TACR3: variants seen among roughly 807,000 people sequenced by gnomAD.
TACR3 encodes tachykinin receptor 3, also known as neuromedin-K receptor.
Under a neutral mutation model 35.0 loss-of-function variants are expected in TACR3, and 34 were observed. The ratio of observed to expected loss-of-function variants is 0.97; its 90% confidence interval spans 0.74 to 1.30. The LOEUF is 1.30. Ranked by LOEUF, TACR3 falls within the 50% of genes most tolerant of loss-of-function variation. TACR3 has a pLI of 0.00. For synonymous variants in TACR3, 233 were observed against 221.1 expected, an observed-to-expected ratio of 1.05 and a Z score of -0.48; for missense variants, 558 against 591.7, an observed-to-expected ratio of 0.94 and a Z score of 0.59.
chr4:103,625,329 A>C (rs1257774187), intron 3 of TACR3, among the ~76,000 whole-genome samples: 1 of 152,190 alleles, frequency 6.6e-6, no homozygotes, highest in East Asian at 1.9e-4. Flanking sequence ...TGTGCTAGGC[A>C]CATTAAAAAC....
At chr4:103,590,750 T>TA (rs1723875135) in intron 4 of TACR3, among the ~76,000 whole-genome samples, 1 of 152,212 alleles carries the variant, frequency 6.6e-6, no homozygotes, top group Admixed American at 6.5e-5. Context: ...TTACAGGACT[T>TA]ACGAGCCCTA....
intron 3 of TACR3, among the ~76,000 whole-genome samples, chr4:103,601,208 G>T (rs951358208): frequency 1.3e-5 from 2 of 151,654 alleles, no homozygotes; most frequent in African/African-American, 2.4e-5. Context: ...TTACCATTAT[G>T]TAATGGCCTT....
At chr4:103,707,965 C>A (rs1016123970) in intron 1 of TACR3, among the ~76,000 whole-genome samples, 7 of 152,204 alleles carry the variant, frequency 4.6e-5, no homozygotes, top group Admixed American at 3.9e-4. Context: ...GGGGCACCCG[C>A]CATTGCTAAG....
chr4:103,661,580 C>T, intron 1 of TACR3, among the ~76,000 whole-genome samples: 1 of 152,140 alleles, frequency 6.6e-6, no homozygotes, highest in East Asian at 1.9e-4. Context: ...TGTACAACTC[C>T]TGTAGCACAG....
intron 3 of TACR3, among the ~76,000 whole-genome samples, chr4:103,632,506 G>A: frequency 6.6e-6 from 1 of 151,960 alleles, no homozygotes; most frequent in East Asian, 1.9e-4. Context: ...CATGGACACA[G>A]GAAGGAGAAC....
intron 1 of TACR3, among the ~76,000 whole-genome samples, chr4:103,660,732 C>CA (rs1371285075): frequency 6.6e-6 from 1 of 151,478 alleles, no homozygotes; most frequent in Non-Finnish European, 1.5e-5. Context: ...AAAGTAGTGA[C>CA]AAAAAAATAC....
intron 1 of TACR3, among the ~76,000 whole-genome samples, chr4:103,695,711 CTGTGTGTGTGTGTGTGTGTGTG>C (rs10603685): frequency 3.6e-4 from 53 of 146,196 alleles, no homozygotes; most frequent in Admixed American, 1.9e-3. Context: ...GTCTCTCTCT[CTGTGTGTGTGTGTGTGTGTGTG>C]TGTGTGTGTG....
At chr4:103,633,520 C>G (rs943178972) in intron 3 of TACR3, among the ~76,000 whole-genome samples, 1 of 152,010 alleles carries the variant, frequency 6.6e-6, no homozygotes, top group Non-Finnish European at 1.5e-5. Context: ...ATCACCCAAG[C>G]AGTATACACT....
At chr4:103,599,633 A>G (rs972042407) in intron 3 of TACR3, among the ~76,000 whole-genome samples, 1 of 152,204 alleles carries the variant, frequency 6.6e-6, no homozygotes, top group Non-Finnish European at 1.5e-5. Flanking sequence ...CGTCCCATCA[A>G]TACCTAATTT....
rs548013292 is a variant in TACR3 at position 103,621,865 on chromosome 4, AT to A, written c.889-30183del. Among the ~76,000 whole-genome samples, 203 of 152,390 alleles carry A rather than the reference AT, an allele frequency of 1.3e-3. 1 individual carries two copies. The highest frequency in any genetic ancestry group is 4.8e-3 in the African/African-American group (198 of 41,598). The stretch of plus-strand genomic sequence containing the variant: ...AACCTAGAGAAATCTAGATATGGGC[AT>A]AATACAAATGTAGATTTGAAAGTAA... On this transcript the variant is annotated intron_variant, in intron 3 of 4. Transcript: ENST00000304883.
rs1369424731 is a variant in TACR3 at position 103,588,004 on chromosome 4, C to T, written c.*1678G>A. ...TGTGTGTGTGTGTGTGTGTGTGTCT[C>T]TTTGTTTATTGGTATCATCAGAAGA... is the stretch of plus-strand genomic sequence containing the variant. On this transcript the variant is annotated 3_prime_UTR_variant, in exon 5 of 5. Coordinates refer to ENST00000304883, the MANE Select transcript of TACR3 (RefSeq NM_001059.3). 7.3e-5 allele frequency: 11 copies of T among 150,064 alleles called. No individual in the cohort carries two copies. Among genetic ancestry groups the T allele is most frequent in the Admixed American group, 6.6e-4 (10 of 15,096 alleles). The allele number at this position is 150,064 out of a possible 1,614,324, so 9.3% of individuals were successfully genotyped here.
chr4:103,653,979 A>T (rs1319652709), intron 3 of TACR3, among the ~76,000 whole-genome samples: 1 of 150,276 alleles, frequency 6.7e-6, no homozygotes, highest in Non-Finnish European at 1.5e-5. Context: ...GAGAAATGCA[A>T]ATCAAAACCA....
chr4:103,598,135 G>T (rs1054463313), intron 3 of TACR3, among the ~76,000 whole-genome samples: 1 of 152,074 alleles, frequency 6.6e-6, no homozygotes, highest in African/African-American at 2.4e-5. Flanking sequence ...ACTTTTTAAT[G>T]ATCACCATTC....
intron 3 of TACR3, among the ~76,000 whole-genome samples, chr4:103,655,402 C>CT (rs1419058750): frequency 3.9e-5 from 6 of 152,172 alleles, no homozygotes; most frequent in Non-Finnish European, 7.4e-5. Context: ...ATTCATTCAT[C>CT]TTTGATAAAA....
chr4:103,690,977 A>C (rs1264065705), intron 1 of TACR3, among the ~76,000 whole-genome samples: 2 of 152,312 alleles, frequency 1.3e-5, no homozygotes, highest in East Asian at 3.9e-4. Context: ...AAAATTTGAC[A>C]GTATCAATTG....
chr4:103,697,978 T>A (rs1331241185), intron 1 of TACR3, among the ~76,000 whole-genome samples: 1 of 152,182 alleles, frequency 6.6e-6, no homozygotes, highest in South Asian at 2.1e-4. Context: ...ACTTCTTATG[T>A]AGGAAAGATA....
chr4:103,660,528 TAAC>T (rs1725818844), intron 1 of TACR3, among the ~76,000 whole-genome samples: 1 of 139,516 alleles, frequency 7.2e-6, no homozygotes, highest in South Asian at 2.4e-4. Flanking sequence ...TAAGTGTTCT[TAAC>T]ACACACACAC....
chr4:103,694,298 AC>A (rs1275688766), intron 1 of TACR3, among the ~76,000 whole-genome samples: 1 of 144,704 alleles, frequency 6.9e-6, no homozygotes, highest in African/African-American at 2.9e-5. Context: ...AGTTCCAGGG[AC>A]TAATCTTGAG....
rs780364097 is a variant in TACR3 at position 103,719,239 on chromosome 4, G to A, written c.437C>T (p.Ala146Val). 6.2e-7 allele frequency: 1 copy of A among 1,614,200 alleles called. No homozygotes were observed. The highest frequency in any genetic ancestry group is 8.5e-7 in the Non-Finnish European group (1 of 1,180,032). Reference protein sequence around the residue: ...AFNTLVNFIYALHSEWYFGAN... With the variant: ...AFNTLVNFIYVLHSEWYFGAN... ...GCCAAAGTACCACTCGCTATGAAGC[G>A]CGTAGATGAAATTGACCAACGTGTT... The change falls in exon 1 of 5, where the codon GCG becomes GTG. Residue 146 changes from alanine (A) to valine (V), a missense_variant. By Grantham distance (64) the Ala-to-Val change is moderately conservative. Coordinates refer to ENST00000304883, the MANE Select transcript of TACR3 (RefSeq NM_001059.3).
Sources: gnomAD v4.1 joint callset for allele counts (sites outside exome capture counted in the v4.1 genomes callset) on GRCh38, gnomAD v4.1.1 for gene constraint, MANE v1.5 for transcripts, NCBI Gene and HGNC (gene_info 2026-07-23, HGNC 2026-07-21) for gene names.